Variants in RTN2 observed in about 807,000 individuals in gnomAD.
RTN2 encodes the protein reticulon 2, also known as reticulon-2.
RTN2 carries 36 observed loss-of-function variants against 63.7 expected under a neutral mutation model. The ratio of observed to expected loss-of-function variants is 0.56; its 90% CI spans 0.43 to 0.75. The LOEUF (loss-of-function observed/expected upper bound fraction) is 0.75. Among genes scored for constraint, RTN2 ranks in the 30% least tolerant of loss-of-function variants. The pLI is 0.00. For missense variants in RTN2, 673 were observed against 705.1 expected, an observed-to-expected ratio of 0.95 and a Z score of 0.52; for synonymous variants, 312 against 313.0, an observed-to-expected ratio of 1.00 and a Z score of 0.03.
chr19:45,495,888 C>T (rs1215828073), intron 1 of RTN2, among the ~76,000 whole-genome samples: 4 of 152,056 alleles, frequency 2.6e-5, no homozygotes, highest in Admixed American at 6.5e-5. Flanking sequence ...CTGAAGTTAA[C>T]GACAAGATCA....
At chr19:45,489,681 T>TC in intron 5 of RTN2, 128 bp from the exon 6 acceptor site, 1 of 595,940 alleles carries the variant, frequency 1.7e-6, no homozygotes, top group East Asian at 3.8e-5. Flanking sequence ...ATTTCCTTTT[T>TC]TTTTTTTTTT....
rs1968243327 is a variant in RTN2, at chr19:45,494,982, G to A, written c.103C>T (p.Arg35Ter). Residue 35 changes from arginine (R) to a stop codon, truncating the protein, a stop_gained, in exon 3 of 11, where the codon CGA (arginine) becomes TGA (stop). Coordinates refer to ENST00000245923, the MANE Select transcript of RTN2 (RefSeq NM_005619.5). LOFTEE classifies it high-confidence loss of function. This position sits in a 1 kb window ranked among gnomAD's most constrained non-coding sequence, Gnocchi z 5.3. ...AATTCCCGGGCTGTGTGCAGCTCTC[G>A]AAAATCAGAGTCGTCGTTCCCTCCT... is the stretch of plus-strand genomic sequence containing the variant. The part of the protein sequence containing the change: ...TEGGNDDSDF[R>*]ELHTAREFSE... 6.2e-7 allele frequency: 1 copy of A among 1,613,372 alleles called. No homozygotes were observed. The highest frequency in any genetic ancestry group is 8.5e-7 in the Non-Finnish European group (1 of 1,179,458).
intron 4 of RTN2, 64 bp from the exon 5 acceptor site, chr19:45,493,442 CA>C: frequency 8.3e-7 from 1 of 1,211,528 alleles, no homozygotes; most frequent in Non-Finnish European, 1.2e-6. Context: ...TAGATGTGGT[CA>C]GGAAAAAGAG....
At chr19:45,493,514 G>C (rs1209569919) in intron 4 of RTN2, 136 bp from the exon 5 acceptor site, 2 of 687,792 alleles carry the variant, frequency 2.9e-6, no homozygotes, top group Non-Finnish European at 4.9e-6. Context: ...GGCTGGTCTT[G>C]CACTCTTGGC....
intron 4 of RTN2, 138 bp from the exon 5 acceptor site, chr19:45,493,516 A>C (rs867835629): frequency 2.9e-6 from 2 of 678,496 alleles, no homozygotes; most frequent in South Asian, 3.6e-5. Context: ...CTGGTCTTGC[A>C]CTCTTGGCTT....
intron 5 of RTN2, among the ~76,000 whole-genome samples, chr19:45,490,917 G>A (rs111477929): frequency 0.1 from 14,530 of 142,936 alleles, 815 homozygotes; most frequent in East Asian, 0.21. Context: ...ACAGAGTTTC[G>A]CTCTTGTTGC....
rs1255784159 is a variant in RTN2 at position 45,494,906 on chromosome 19, C to T, written c.179G>A (p.Arg60Gln). 3.7e-6 allele frequency: 6 copies of T among 1,612,540 alleles called. No homozygotes were observed. The highest frequency in any genetic ancestry group is 2.7e-5 in the African/African-American group (2 of 74,912). ...ETTSQDWGTP[R>Q]ELTFSYIAFD... is the part of the protein sequence containing the mutation. ...GGCGATGTAGGAGAAGGTCAGCTCC[C>T]GGGGGGTGCCCCAGTCCTGCGACGT... The change falls in exon 3 of 11, where the codon CGG becomes CAG. Residue 60 changes from arginine (R) to glutamine (Q), a missense_variant. Physicochemically the swap from Arg to Gln is conservative, Grantham distance 43. Coordinates refer to ENST00000245923, the MANE Select transcript of RTN2 (RefSeq NM_005619.5). This position sits in a 1 kb window ranked among gnomAD's most constrained non-coding sequence, Gnocchi z 5.3.
At chr19:45,488,773 A>G (rs1383742058) in intron 7 of RTN2, 67 bp from the exon 8 acceptor site, 1 of 1,595,582 alleles carries the variant, frequency 6.3e-7, no homozygotes, top group African/African-American at 1.3e-5. Flanking sequence ...AATTTACCCA[A>G]CAGTCGCCCT....
In RTN2 at chr19:45,494,619, A is replaced by G. The variant is rs1368083629; in HGVS notation, c.466T>C (p.Ser156Pro). 1 of 1,613,890 alleles carries G rather than the reference A, an allele frequency of 6.2e-7. No individual in the cohort carries two copies. Among genetic ancestry groups the G allele is most frequent in the Non-Finnish European group, 8.5e-7 (1 of 1,180,012 alleles). The change falls in exon 3 of 11, where the codon TCC (serine) becomes CCC (proline). Residue 156 changes from serine (S) to proline (P), a missense_variant. Coordinates refer to ENST00000245923, the MANE Select transcript of RTN2 (RefSeq NM_005619.5). This position sits in a 1 kb window ranked among gnomAD's most constrained non-coding sequence, Gnocchi z 5.3. ...HLGWVARGTG[S>P]GEDSSTSSST... ...CTGCTGGTGGAAGAGTCCTCCCCGG[A>G]TCCCGTTCCCCGGGCCACCCAGCCC...
chr19:45,485,967 G>T, intron 10 of RTN2, 88 bp downstream of exon 10: 3 of 1,377,416 alleles, frequency 2.2e-6, no homozygotes, highest in Non-Finnish European at 3.1e-6. Flanking sequence ...CATTACCCCA[G>T]GAGATTTGCG....
intron 7 of RTN2, 24 bp downstream of exon 7, chr19:45,488,824 G>A (rs777863586): frequency 8.7e-5 from 139 of 1,598,278 alleles, no homozygotes; most frequent in Non-Finnish European, 1.1e-4. Flanking sequence ...GGGAACCCAG[G>A]AGGGGCTGAG....
In RTN2 at chr19:45,485,637, G is replaced by C; in HGVS notation, c.*71C>G. On this transcript the variant is annotated 3_prime_UTR_variant, in exon 11 of 11. Transcript: ENST00000245923. ...CCGAGGAGGGGGGTGGGTGGGAACG[G>C]ACAAGAGATGGAGGGGGCCAGAGGG... 7.8e-7 allele frequency: 1 copy of C among 1,288,898 alleles called. No individual in the cohort carries two copies. The highest frequency in any genetic ancestry group is 1.2e-5 in the South Asian group (1 of 84,588). The allele number at this position is 1,288,898 out of a possible 1,614,324, so 79.8% of individuals were successfully genotyped here. A position where few individuals can be genotyped will look rare whatever the true frequency, so the allele number is the denominator to read the frequency against.
In RTN2 at chr19:45,496,872, C is replaced by A; in HGVS notation, c.-47G>T. The A allele has an allele frequency of 7.7e-7, 1 of 1,300,572 alleles. No individual in the cohort carries two copies. Among genetic ancestry groups the A allele is most frequent in the Non-Finnish European group, 1.0e-6 (1 of 983,846 alleles). The allele number at this position is 1,300,572 out of a possible 1,614,324, so 80.6% of individuals were successfully genotyped here. Reference sequence around the variant, plus strand: ...GGGACCCCCGCCCACTCCGGCTGTGCCGCCCTGGGCCCGGGGTCGCGGGCG... The same window carrying A: ...GGGACCCCCGCCCACTCCGGCTGTGACGCCCTGGGCCCGGGGTCGCGGGCG... On this transcript the variant is annotated 5_prime_UTR_variant, in exon 1 of 11. Coordinates refer to ENST00000245923, the MANE Select transcript of RTN2 (RefSeq NM_005619.5).
intron 6 of RTN2, 177 bp downstream of exon 6, chr19:45,489,169 G>T: frequency 1.2e-6 from 1 of 867,366 alleles, no homozygotes; most frequent in Non-Finnish European, 1.8e-6. Context: ...AAGGGATCGA[G>T]GATGAAGGGT....
chr19:45,496,720 C>T (rs1385372654), intron 1 of RTN2, 72 bp downstream of exon 1: 1 of 1,088,926 alleles, frequency 9.2e-7, no homozygotes, highest in Non-Finnish European at 1.3e-6. Context: ...GGGCAAGCGC[C>T]GAGGGGACAC....
Position 45,494,492 on chromosome 19 carries a change from C to G in RTN2, c.559+34G>C. ...CCCCAAGGAGAAACCACCCACCCCT[C>G]TTGGCTTTGGTCCCAGCACCTCGGA... On this transcript the variant is annotated intron_variant, in intron 3 of 10. Transcript: ENST00000245923. The surrounding 1 kb of genome is among the most constrained non-coding windows in gnomAD (Gnocchi z 5.3). The G allele has an allele frequency of 6.2e-7, 1 of 1,606,678 alleles. No homozygotes were observed. The highest frequency in any genetic ancestry group is 1.1e-5 in the South Asian group (1 of 90,458).
rs1599914215 is a variant in RTN2 at position 45,494,710 on chromosome 19, A to G, written c.375T>C (p.Gly125=). Residue 125 remains glycine (G), a synonymous_variant, in exon 3 of 11, where the codon GGT becomes GGC. Transcript: ENST00000245923. The surrounding 1 kb of genome is among the most constrained non-coding windows in gnomAD (Gnocchi z 5.3). ...CGGATGGAGGCGCGGTGTCAGGATCACCCCGTCGTCCAGGCTCCGGGGATT... is the reference window on the plus strand; with the variant it reads ...CGGATGGAGGCGCGGTGTCAGGATCGCCCCGTCGTCCAGGCTCCGGGGATT... The part of the protein sequence containing the change: ...LSQSPEPGRR[G]DPDTAPPSER... The G allele has an allele frequency of 1.2e-6, 2 of 1,613,032 alleles. No individual in the cohort carries two copies. Among genetic ancestry groups the G allele is most frequent in the South Asian group, 1.1e-5 (1 of 91,072 alleles).
At chr19:45,488,394 G>C in intron 9 of RTN2, 77 bp downstream of exon 9, 1 of 1,504,308 alleles carries the variant, frequency 6.6e-7, no homozygotes, top group South Asian at 1.2e-5. Flanking sequence ...TCTGTCAATG[G>C]GACCCCGGTT....
chr19:45,491,115 C>T (rs191189295), intron 5 of RTN2, among the ~76,000 whole-genome samples: 10 of 151,848 alleles, frequency 6.6e-5, no homozygotes, highest in Admixed American at 5.9e-4. Flanking sequence ...GTCTTGATCT[C>T]CTGACCTCAG....
Sources: allele counts gnomAD v4.1 joint callset (sites outside exome capture counted in the v4.1 genomes callset), GRCh38; gene constraint gnomAD v4.1.1; non-coding constraint Gnocchi (gnomAD v3.1); transcripts MANE v1.5; gene names NCBI Gene and HGNC (gene_info 2026-07-23, HGNC 2026-07-21).